The following CUL1 variants were observed in gnomAD, a reference collection of about 807,000 sequenced individuals.
CUL1 encodes cullin 1.
Under a neutral mutation model 118.0 loss-of-function variants are expected in CUL1, and 24 were observed. The ratio of observed to expected loss-of-function variants is 0.20; its 90% CI spans 0.15 to 0.29. The LOEUF (loss-of-function observed/expected upper bound fraction) is 0.29, where lower values mean the gene tolerates loss of function less well. Ranked by LOEUF, CUL1 falls within the 10% of genes least tolerant of loss-of-function variation. The probability of loss-of-function intolerance (pLI) is 1.00; values close to 1 mark genes in which losing one functional copy is unlikely to be tolerated. For missense variants in CUL1, 361 were observed against 933.8 expected, an observed-to-expected ratio of 0.39 and a Z score of 7.99; for synonymous variants, 332 against 340.4, an observed-to-expected ratio of 0.98 and a Z score of 0.27.
At chr7:148,738,381 G>A (rs1799031002) in intron 2 of CUL1, among the ~76,000 whole-genome samples, 1 of 152,170 alleles carries the variant, frequency 6.6e-6, no homozygotes, top group Non-Finnish European at 1.5e-5. Flanking sequence ...ACAGTGACTT[G>A]CCCCTCCCCA....
intron 2 of CUL1, among the ~76,000 whole-genome samples, chr7:148,743,882 A>G (rs2129460007): frequency 6.6e-6 from 1 of 152,358 alleles, no homozygotes; most frequent in South Asian, 2.1e-4. Context: ...AGATGGCACC[A>G]CTGCACTCCA....
At chr7:148,798,106 C>A in intron 19 of CUL1, 87 bp downstream of exon 19, 5 of 748,742 alleles carry the variant, frequency 6.7e-6, no homozygotes, top group South Asian at 1.8e-5. Flanking sequence ...TGTTACAAAC[C>A]AAGGGAGACC....
chr7:148,769,397 TCACACA>T (rs55858322), intron 9 of CUL1, among the ~76,000 whole-genome samples: 7,030 of 129,044 alleles, frequency 0.054, 209 homozygotes, highest in Admixed American at 0.087. Flanking sequence ...AGGGCCTGAT[TCACACA>T]CACACACACA....
At chr7:148,771,192 G>T (rs1403977610) in intron 9 of CUL1, among the ~76,000 whole-genome samples, 1 of 151,976 alleles carries the variant, frequency 6.6e-6, no homozygotes, top group Non-Finnish European at 1.5e-5. Context: ...ACTCCTTTGA[G>T]AGGCCAAAAA....
chr7:148,765,338 A>G, intron 7 of CUL1, among the ~76,000 whole-genome samples: 1 of 152,184 alleles, frequency 6.6e-6, no homozygotes, highest in East Asian at 1.9e-4. Context: ...ACCAAATTTG[A>G]AAATCTGGGC....
Position 148,789,745 on chromosome 7 carries a change from C to G in CUL1, c.1598-5C>G. The G allele has an allele frequency of 6.2e-7, 1 of 1,613,688 alleles. No homozygotes were observed. The highest frequency in any genetic ancestry group is 8.5e-7 in the Non-Finnish European group (1 of 1,179,648). ...GTTCACTCTCCCCTCTCTTCCGTCC[C>G]ACAGTGGATTTCAGCATTCAAGTGC... On this transcript the variant is annotated splice_polypyrimidine_tract_variant and splice_region_variant and intron_variant, in intron 14 of 21. Transcript: ENST00000325222.
intron 7 of CUL1, 74 bp from the exon 8 acceptor site, chr7:148,766,487 A>T: frequency 7.9e-7 from 1 of 1,269,392 alleles, no homozygotes; most frequent in East Asian, 2.6e-5. Flanking sequence ...GTTTCCTTTA[A>T]TTTACATATT....
intron 9 of CUL1, 28 bp downstream of exon 9, chr7:148,767,777 C>T: frequency 6.2e-7 from 1 of 1,609,598 alleles, no homozygotes; most frequent in Non-Finnish European, 8.5e-7. Context: ...GAAAATCAGT[C>T]AGGCTGATTA....
At chr7:148,790,539 A>C (rs943707916) in intron 16 of CUL1, 98 bp downstream of exon 16, 3 of 1,066,960 alleles carry the variant, frequency 2.8e-6, no homozygotes, top group African/African-American at 3.2e-5. Context: ...AGAATCTAGA[A>C]TTCAGCTTCT....
At chr7:148,746,813 G>A (rs1193127983) in intron 2 of CUL1, among the ~76,000 whole-genome samples, 1 of 152,196 alleles carries the variant, frequency 6.6e-6, no homozygotes, top group African/African-American at 2.4e-5. Flanking sequence ...TATACTTAAT[G>A]ATACATGTTA....
intron 1 of CUL1, among the ~76,000 whole-genome samples, chr7:148,727,090 G>A (rs544873508): frequency 4.4e-4 from 67 of 152,334 alleles, no homozygotes; most frequent in African/African-American, 1.5e-3. Flanking sequence ...TTACCATTAA[G>A]AGTAAATAAT....
intron 16 of CUL1, among the ~76,000 whole-genome samples, chr7:148,791,837 G>T (rs1196998066): frequency 6.6e-6 from 1 of 152,242 alleles, no homozygotes; most frequent in East Asian, 1.9e-4. Flanking sequence ...TCCTCGGGGT[G>T]TTCATTCGCT....
intron 9 of CUL1, among the ~76,000 whole-genome samples, chr7:148,781,893 A>G (rs1370446172): frequency 6.6e-6 from 1 of 152,200 alleles, no homozygotes; most frequent in Non-Finnish European, 1.5e-5. Context: ...ATAACATGCT[A>G]TATATAAACC....
chr7:148,725,247 A>ACCCC (rs1554463830), intron 1 of CUL1, among the ~76,000 whole-genome samples: 9 of 150,934 alleles, frequency 6.0e-5, no homozygotes, highest in African/African-American at 2.2e-4. Context: ...ACACACACAC[A>ACCCC]CCCGTACCCC....
intron 2 of CUL1, among the ~76,000 whole-genome samples, chr7:148,737,858 A>C (rs1485522620): frequency 6.6e-6 from 1 of 152,034 alleles, no homozygotes; most frequent in East Asian, 1.9e-4. Context: ...TCGGCCTCCC[A>C]AAGTGCTGGG....
intron 3 of CUL1, among the ~76,000 whole-genome samples, chr7:148,754,820 C>T (rs181763621): frequency 1.4e-4 from 21 of 151,616 alleles, no homozygotes; most frequent in Admixed American, 1.2e-3. Context: ...AATCATAGGT[C>T]ATTGCAGCCT....
chr7:148,760,573 C>A, intron 7 of CUL1, 77 bp downstream of exon 7: 1 of 1,040,526 alleles, frequency 9.6e-7, no homozygotes, highest in Non-Finnish European at 1.4e-6. Context: ...TTAGCATATA[C>A]AGCTTTCTTT....
chr7:148,733,677 A>G (rs961890365), intron 2 of CUL1, among the ~76,000 whole-genome samples: 1 of 152,208 alleles, frequency 6.6e-6, no homozygotes, highest in Admixed American at 6.5e-5. Flanking sequence ...AGTGCCTCTC[A>G]CTGTTCTAGT....
chr7:148,766,812 A>C, intron 8 of CUL1, 89 bp downstream of exon 8: 1 of 1,117,056 alleles, frequency 9.0e-7, no homozygotes, highest in South Asian at 1.6e-5. Context: ...AGTCAACGGC[A>C]TTACTTGCCC....
Sources: allele counts gnomAD v4.1 joint callset (sites outside exome capture counted in the v4.1 genomes callset), GRCh38; gene constraint gnomAD v4.1.1; transcripts MANE v1.5; gene names NCBI Gene and HGNC (gene_info 2026-07-23, HGNC 2026-07-21).